The following MAF variants were observed in gnomAD, a reference collection of about 807,000 sequenced individuals.
The protein encoded by MAF is transcription factor Maf.
In MAF, 10 loss-of-function variants were observed where a neutral mutation model predicts 22.0. The ratio of observed to expected loss-of-function variants is 0.45; its 90% CI spans 0.28 to 0.77. The LOEUF (loss-of-function observed/expected upper bound fraction) is 0.77, where lower values mean the gene tolerates loss of function less well. MAF is among the 30% of genes least tolerant of loss of function. The probability of loss-of-function intolerance (pLI) is 0.12; values close to 1 mark genes in which losing one functional copy is unlikely to be tolerated. For synonymous variants in MAF, 337 were observed against 255.8 expected (o/e 1.32, Z -3.03); for missense variants, 544 against 548.4 (o/e 0.99, Z 0.08).
chr16:79,231,242 A>C, the MAF span, among the ~76,000 whole-genome samples: 3 of 152,092 alleles, frequency 2.0e-5, no homozygotes, highest in Non-Finnish European at 4.4e-5. Context: ...CTCAAAGGCC[A>C]GACTTGACTG....
chr16:79,316,406 C>A, the MAF span, among the ~76,000 whole-genome samples: 1 of 152,182 alleles, frequency 6.6e-6, no homozygotes, highest in Non-Finnish European at 1.5e-5. Context: ...ACTGGTAAAA[C>A]CTTTCTGCCT....
At chr16:79,584,591 T>C (rs532990540), downstream of MAF, among the ~76,000 whole-genome samples, 2 of 152,202 alleles carry the variant, frequency 1.3e-5, no homozygotes, top group Non-Finnish European at 2.9e-5. Flanking sequence ...ATGGTTTCAA[T>C]GTCACGAAAC....
At chr16:79,397,828 G>C in the MAF span, among the ~76,000 whole-genome samples, 1 of 152,190 alleles carries the variant, frequency 6.6e-6, no homozygotes, top group Non-Finnish European at 1.5e-5. Flanking sequence ...AGAACCTGAG[G>C]CACCTCTGGC....
At chr16:79,225,970 G>A in the MAF span, among the ~76,000 whole-genome samples, 1 of 152,172 alleles carries the variant, frequency 6.6e-6, no homozygotes, top group Non-Finnish European at 1.5e-5. Flanking sequence ...AGACAGTGTG[G>A]CAATTCCTCA....
the MAF span, among the ~76,000 whole-genome samples, chr16:79,502,768 C>G: frequency 8.2e-6 from 1 of 121,248 alleles, no homozygotes; most frequent in African/African-American, 3.3e-5. Flanking sequence ...GACTCATTAG[C>G]TCAATGAGGG....
chr16:79,526,115 T>C, the MAF span, among the ~76,000 whole-genome samples: 1 of 152,170 alleles, frequency 6.6e-6, no homozygotes, highest in Non-Finnish European at 1.5e-5. Flanking sequence ...TTGTTTCAAA[T>C]GTGAAGAGAT....
intron 1 of MAF, among the ~76,000 whole-genome samples, chr16:79,587,827 A>G (rs1912940092): frequency 7.2e-6 from 1 of 139,022 alleles, no homozygotes; most frequent in Non-Finnish European, 1.6e-5. Context: ...CTCTCTGGCC[A>G]TCTGGGGAAA....
At chr16:79,360,908 C>A in the MAF span, among the ~76,000 whole-genome samples, 1,546 of 152,218 alleles carry the variant, frequency 0.01, 18 homozygotes, top group African/African-American at 0.035. Flanking sequence ...CTTTCTAACT[C>A]CATGTTCAGG....
the MAF span, chr16:79,211,970 T>C: frequency 6.5e-7 from 1 of 1,533,592 alleles, no homozygotes; most frequent in African/African-American, 1.4e-5. Flanking sequence ...AGCAGGGAAT[T>C]CCTGGGGTAA....
chr16:79,434,948 G>A, the MAF span, among the ~76,000 whole-genome samples: 109 of 152,240 alleles, frequency 7.2e-4, 1 homozygote, highest in African/African-American at 2.5e-3. Context: ...ATTTGTTAAT[G>A]GTCTGCGACT....
At chr16:79,572,643 G>A in the MAF span, among the ~76,000 whole-genome samples, 38 of 152,158 alleles carry the variant, frequency 2.5e-4, no homozygotes, top group African/African-American at 8.2e-4. Context: ...GCCAGGCACT[G>A]ACCACTTTAG....
the MAF span, among the ~76,000 whole-genome samples, chr16:79,291,007 C>G: frequency 6.6e-6 from 1 of 152,114 alleles, no homozygotes; most frequent in Admixed American, 6.5e-5. Context: ...GGAAGAAACA[C>G]TAAATGCCCC....
At chr16:79,518,030 T>C in the MAF span, among the ~76,000 whole-genome samples, 2 of 152,210 alleles carry the variant, frequency 1.3e-5, no homozygotes, top group Non-Finnish European at 2.9e-5. Flanking sequence ...GTTAATCATA[T>C]ATATGAAAAT....
the MAF span, among the ~76,000 whole-genome samples, chr16:79,558,242 G>C: frequency 2.0e-5 from 3 of 152,070 alleles, no homozygotes; most frequent in South Asian, 2.1e-4. Flanking sequence ...ATTTATACTT[G>C]AGCTATGCCA....
the MAF span, among the ~76,000 whole-genome samples, chr16:79,370,791 C>T: frequency 6.6e-6 from 1 of 152,186 alleles, no homozygotes. Flanking sequence ...CCAGAATCCA[C>T]CTCCCAATTT....
the MAF span, among the ~76,000 whole-genome samples, chr16:79,377,669 T>A: frequency 6.6e-6 from 1 of 152,378 alleles, no homozygotes; most frequent in East Asian, 1.9e-4. Context: ...AGGTCTAACA[T>A]GTAAGTCTTT....
the MAF span, among the ~76,000 whole-genome samples, chr16:79,580,390 G>A: frequency 2.0e-5 from 3 of 152,246 alleles, no homozygotes; most frequent in Non-Finnish European, 4.4e-5. Flanking sequence ...TGCACATGCT[G>A]ACTAGAATGC....
At chr16:79,445,659 G>A in the MAF span, among the ~76,000 whole-genome samples, 3 of 152,222 alleles carry the variant, frequency 2.0e-5, no homozygotes, top group Non-Finnish European at 2.9e-5. Context: ...AGGGAAGGAT[G>A]AAGGGAAAGA....
chr16:79,242,274 T>A, the MAF span, among the ~76,000 whole-genome samples: 1 of 150,808 alleles, frequency 6.6e-6, no homozygotes, highest in Admixed American at 6.6e-5. Flanking sequence ...GACCCATAGG[T>A]GTGTGGTATT....
Sources: gnomAD v4.1 joint callset for allele counts (sites outside exome capture counted in the v4.1 genomes callset) on GRCh38, gnomAD v4.1.1 for gene constraint, MANE v1.5 for transcripts, NCBI Gene and HGNC (gene_info 2026-07-23, HGNC 2026-07-21) for gene names.